The following SRGAP3 variants were observed in gnomAD, a reference collection of about 807,000 sequenced individuals.
SRGAP3 encodes the protein SLIT-ROBO Rho GTPase-activating protein 3.
Under a neutral mutation model 121.1 loss-of-function variants are expected in SRGAP3, and 39 were observed. The observed-to-expected ratio is 0.32, with a 90% CI of 0.25 to 0.42. The LOEUF is 0.42. Ranked by LOEUF, SRGAP3 falls within the 10% of genes least tolerant of loss-of-function variation. SRGAP3 has a pLI of 1.00. For synonymous variants in SRGAP3, 601 were observed against 570.0 expected (o/e 1.05, Z -0.77); for missense variants, 1,213 against 1,470.6 (o/e 0.82, Z 2.86).
intron 1 of SRGAP3, among the ~76,000 whole-genome samples, chr3:9,342,072 C>T (rs1036544050): frequency 6.6e-6 from 1 of 152,056 alleles, no homozygotes; most frequent in Non-Finnish European, 1.5e-5. Context: ...AAAATCAGGC[C>T]GGGGGTGATG....
intron 1 of SRGAP3, among the ~76,000 whole-genome samples, chr3:9,191,397 G>A (rs1007979156): frequency 6.6e-6 from 1 of 152,212 alleles, no homozygotes; most frequent in African/African-American, 2.4e-5. Flanking sequence ...GGAGCTAATG[G>A]TGTTTCCTAT....
chr3:9,259,221 T>C (rs1404456925), intron 3 of SRGAP3, among the ~76,000 whole-genome samples: 1 of 152,204 alleles, frequency 6.6e-6, no homozygotes, highest in Non-Finnish European at 1.5e-5. Context: ...TTCTTTTTTT[T>C]CATATGGCTA....
intron 1 of SRGAP3, among the ~76,000 whole-genome samples, chr3:9,129,750 A>C (rs1949371739): frequency 6.6e-6 from 1 of 151,858 alleles, no homozygotes; most frequent in South Asian, 2.1e-4. Flanking sequence ...ATATCTGTAT[A>C]GCAAATTACT....
Position 9,037,826 on chromosome 3 carries a change from A to AAGGGAGG in SRGAP3, c.1436+236_1436+237insCCTCCCT, listed in dbSNP as rs756331816. On this transcript the variant is annotated intron_variant, in intron 11 of 21. Coordinates refer to ENST00000383836, the MANE Select transcript of SRGAP3 (RefSeq NM_014850.4). ...AAGGGAGGGTGCCCCACTGCCACAC[A>AAGGGAGG]GCAGCCCCAAAAGCGCCCCTTCCAT... The AAGGGAGG allele has an allele frequency of 2.8e-3, 1,658 of 597,294 alleles. 3 individuals are homozygous for AAGGGAGG. Among genetic ancestry groups the AAGGGAGG allele is most frequent in the Middle Eastern group, 9.1e-3 (20 of 2,202 alleles). The allele number at this position is 597,294 out of a possible 1,614,324, so 37.0% of individuals were successfully genotyped here.
chr3:9,301,566 G>GAA (rs1955054806), intron 3 of SRGAP3, among the ~76,000 whole-genome samples: 1 of 152,252 alleles, frequency 6.6e-6, no homozygotes, highest in Non-Finnish European at 1.5e-5. Flanking sequence ...GTTTCTGTAA[G>GAA]GGGTGGGTCC....
intron 3 of SRGAP3, among the ~76,000 whole-genome samples, chr3:9,092,983 A>C (rs926931342): frequency 9.9e-5 from 15 of 151,412 alleles, no homozygotes; most frequent in African/African-American, 3.6e-4. Context: ...CTCTCTCTCT[A>C]AGAGTCACTC....
At chr3:9,048,805 C>G (rs372255147) in intron 9 of SRGAP3, among the ~76,000 whole-genome samples, 2 of 152,148 alleles carry the variant, frequency 1.3e-5, no homozygotes, top group Non-Finnish European at 2.9e-5. Context: ...TCCTAAGCAA[C>G]AGAGTGAGAC....
At chr3:9,199,765 T>C (rs1952017875) in intron 1 of SRGAP3, among the ~76,000 whole-genome samples, 1 of 152,198 alleles carries the variant, frequency 6.6e-6, no homozygotes, top group Non-Finnish European at 1.5e-5. Flanking sequence ...GATGGGAAAG[T>C]GCTTTATAAA....
chr3:9,251,000 G>C (rs557370035), upstream of SRGAP3, among the ~76,000 whole-genome samples: 1 of 152,322 alleles, frequency 6.6e-6, no homozygotes, highest in East Asian at 1.9e-4. Context: ...AATAGGTATA[G>C]TCTTCCATTT....
At chr3:9,110,507 G>A (rs764432020) in intron 2 of SRGAP3, among the ~76,000 whole-genome samples, 1 of 152,254 alleles carries the variant, frequency 6.6e-6, no homozygotes, top group Non-Finnish European at 1.5e-5. Flanking sequence ...AGCATGGCAA[G>A]GCTGTGGCCG....
rs114383531 is a variant in SRGAP3 at position 9,111,684 on chromosome 3, T to C, written c.261-6842A>G. 7.7e-3 allele frequency among the ~76,000 whole-genome samples: 1,167 copies of C among 152,270 alleles called. 14 individuals carry two copies. The highest frequency in any genetic ancestry group is 0.027 in the African/African-American group (1,111 of 41,550). On this transcript the variant is annotated intron_variant, in intron 2 of 21. Coordinates refer to ENST00000383836, the MANE Select transcript of SRGAP3 (RefSeq NM_014850.4). Reference sequence around the variant, plus strand: ...TCTGCCTTCCCTGTTCCTGGGGTTGTTTGCCCCTTTGGAAAGTGGAACCCC... The same window carrying C: ...TCTGCCTTCCCTGTTCCTGGGGTTGCTTGCCCCTTTGGAAAGTGGAACCCC...
Position 9,060,220 on chromosome 3 carries a change from A to G in SRGAP3, c.801+11T>C. 1 of 1,613,870 alleles carries G rather than the reference A, an allele frequency of 6.2e-7. No homozygotes were observed. Among genetic ancestry groups the G allele is most frequent in the East Asian group, 2.2e-5 (1 of 44,868 alleles). On this transcript the variant is annotated intron_variant, in intron 6 of 21. Coordinates refer to ENST00000383836, the MANE Select transcript of SRGAP3 (RefSeq NM_014850.4). ...GGCCCTGCTCAGTCCCAGACTCCCC[A>G]GGGAGCTCACATCGATCAGATCAGA...
intron 1 of SRGAP3, among the ~76,000 whole-genome samples, chr3:9,167,091 T>C (rs973274275): frequency 6.6e-6 from 1 of 152,132 alleles, no homozygotes; most frequent in Non-Finnish European, 1.5e-5. Flanking sequence ...CCAGCAGCCT[T>C]GAGAGACATG....
intron 2 of SRGAP3, among the ~76,000 whole-genome samples, chr3:9,122,907 A>C (rs945002357): frequency 2.0e-5 from 3 of 152,116 alleles, no homozygotes; most frequent in Non-Finnish European, 2.9e-5. Flanking sequence ...GGAATGCAAA[A>C]AATGTGGACA....
At chr3:9,047,681 C>A (rs1945358864) in intron 9 of SRGAP3, among the ~76,000 whole-genome samples, 1 of 152,222 alleles carries the variant, frequency 6.6e-6, no homozygotes, top group South Asian at 2.1e-4. Context: ...GGAGGCCAGG[C>A]CCTTGGAGGG....
At chr3:9,125,453 A>G (rs1490672631) in intron 1 of SRGAP3, among the ~76,000 whole-genome samples, 1 of 152,202 alleles carries the variant, frequency 6.6e-6, no homozygotes, top group Non-Finnish European at 1.5e-5. Context: ...GACTTTCTCC[A>G]TGTGTAGTCA....
chr3:9,036,561 C>CACAAA (rs67455921), intron 11 of SRGAP3: 27,245 of 150,988 alleles, frequency 0.18, 2,593 homozygotes, highest in African/African-American at 0.23. Context: ...TTATTTAAAA[C>CACAAA]ACAAAACAAA....
chr3:9,109,519 C>T lies in SRGAP3; in HGVS notation c.261-4677G>A, dbSNP rs1398215277. Among the ~76,000 whole-genome samples the T allele has an allele frequency of 2.0e-5, 3 of 152,280 alleles. No individual in the cohort carries two copies. The highest frequency in any genetic ancestry group is 1.9e-4 in the East Asian group (1 of 5,176). On this transcript the variant is annotated intron_variant, in intron 2 of 21. Coordinates refer to ENST00000383836, the MANE Select transcript of SRGAP3 (RefSeq NM_014850.4). The surrounding 1 kb of genome is among the most constrained non-coding windows in gnomAD (Gnocchi z 4.4). ...TGCTGTGAAGATTCCTTCCAGCCCT[C>T]GTTCACTCCTTGCGTTTGTGTGTCT...
chr3:9,276,318 C>G (rs893408292), intron 3 of SRGAP3, among the ~76,000 whole-genome samples: 1 of 152,158 alleles, frequency 6.6e-6, no homozygotes, highest in Non-Finnish European at 1.5e-5. Context: ...TTTCCTGTTC[C>G]TGTGAGTCTT....
Sources: gnomAD v4.1 joint callset for allele counts (sites outside exome capture counted in the v4.1 genomes callset) on GRCh38, gnomAD v4.1.1 for gene constraint, Gnocchi (gnomAD v3.1) non-coding constraint, MANE v1.5 for transcripts, NCBI Gene and HGNC (gene_info 2026-07-23, HGNC 2026-07-21) for gene names.